Variants in GLCCI1 observed in about 807,000 individuals in gnomAD.
GLCCI1 encodes glucocorticoid induced 1.
In GLCCI1, 24 loss-of-function variants were observed where a neutral mutation model predicts 52.2. That is an observed-to-expected ratio of 0.46 (90% CI 0.33 to 0.65). The LOEUF is 0.65. Ranked by LOEUF, GLCCI1 falls within the 30% of genes least tolerant of loss-of-function variation. The pLI, the probability that GLCCI1 is intolerant of heterozygous loss-of-function variation, is 0.02. For synonymous variants in GLCCI1, 310 were observed against 276.5 expected (o/e 1.12, Z -1.20); for missense variants, 704 against 701.5 (o/e 1.00, Z -0.04).
intron 3 of GLCCI1, among the ~76,000 whole-genome samples, chr7:8,036,490 A>G (rs1217221210): frequency 6.6e-6 from 1 of 152,228 alleles, no homozygotes; most frequent in Admixed American, 6.5e-5. Context: ...TTCTGGAAGT[A>G]TGAAAAAACA....
In GLCCI1 at chr7:7,974,237, A is replaced by G. The variant is rs971285666; in HGVS notation, c.457+4430A>G. Among the ~76,000 whole-genome samples, 6 of 152,294 alleles carry G rather than the reference A, an allele frequency of 3.9e-5. No homozygotes were observed. In the East Asian group the frequency reaches 1.2e-3, roughly 29 times the overall value. On this transcript the variant is annotated intron_variant, in intron 1 of 7. Transcript: ENST00000223145. ...TTTCTAGATCAATCAGTGAATAGCA[A>G]AATAGATAAATGAATTTATAGTTAT...
intron 2 of GLCCI1, among the ~76,000 whole-genome samples, chr7:8,010,093 A>G (rs1330792439): frequency 6.6e-6 from 1 of 152,018 alleles, no homozygotes; most frequent in African/African-American, 2.4e-5. Flanking sequence ...GTTAGATGCG[A>G]TTTTCTTTGT....
chr7:8,085,178 A>T (rs1179636170), intron 7 of GLCCI1, among the ~76,000 whole-genome samples, 161 bp downstream of exon 7: 1 of 152,258 alleles, frequency 6.6e-6, no homozygotes, highest in Non-Finnish European at 1.5e-5. Flanking sequence ...ATCTTACTGA[A>T]GGAGAACTGG....
In GLCCI1 at chr7:7,997,825, C is replaced by G. The variant is rs189844438; in HGVS notation, c.458-6083C>G. On this transcript the variant is annotated intron_variant, in intron 1 of 7. Coordinates refer to ENST00000223145, the MANE Select transcript of GLCCI1 (RefSeq NM_138426.4). ...TACTTGTAATCCAGCTACTCGGGAG[C>G]CTGAGACATGAGAATTACTTGAACC... 5.5e-4 allele frequency among the ~76,000 whole-genome samples: 83 copies of G among 151,846 alleles called. 2 individuals carry two copies. The highest frequency in any genetic ancestry group is 1.3e-3 in the Admixed American group (20 of 15,254).
At chr7:8,010,887 G>C (rs1171423138) in intron 2 of GLCCI1, among the ~76,000 whole-genome samples, 1 of 151,816 alleles carries the variant, frequency 6.6e-6, no homozygotes, top group African/African-American at 2.4e-5. Flanking sequence ...GATGGATCAT[G>C]GGCATCTCTC....
At chr7:8,039,722 CGCA>C (rs1232126979) in intron 3 of GLCCI1, among the ~76,000 whole-genome samples, 1 of 152,156 alleles carries the variant, frequency 6.6e-6, no homozygotes, top group African/African-American at 2.4e-5. Context: ...TTCAGCCGGG[CGCA>C]GTGGCCCACG....
chr7:8,077,318 G>A (rs6964558), intron 6 of GLCCI1, among the ~76,000 whole-genome samples: 20,660 of 152,176 alleles, frequency 0.14, 1,535 homozygotes, highest in Admixed American at 0.18. Flanking sequence ...GACACTGACA[G>A]AAGGCAGACC....
intron 3 of GLCCI1, 87 bp downstream of exon 3, chr7:8,022,656 A>G (rs1781520081): frequency 1.4e-6 from 1 of 694,688 alleles, no homozygotes; most frequent in Admixed American, 2.8e-5. Flanking sequence ...CACTTTTAAA[A>G]TTTATCCTAA....
chr7:7,977,634 A>G (rs961034733), intron 1 of GLCCI1, among the ~76,000 whole-genome samples: 1 of 152,214 alleles, frequency 6.6e-6, no homozygotes, highest in Non-Finnish European at 1.5e-5. Context: ...TGTCTTTAAA[A>G]TGAAGGGGAT....
At chr7:7,981,238 A>C (rs879751868) in intron 1 of GLCCI1, 38 of 253,600 alleles carry the variant, frequency 1.5e-4, no homozygotes, top group Non-Finnish European at 2.3e-4. Context: ...ATCCTCTGTT[A>C]TTTCTTTCTT....
intron 1 of GLCCI1, among the ~76,000 whole-genome samples, chr7:7,976,479 C>CAAAAAAAAAAAAAAA (rs35255634): frequency 0.016 from 390 of 24,562 alleles, 32 homozygotes; most frequent in African/African-American, 0.025. Flanking sequence ...AACTCCATCT[C>CAAAAAAAAAAAAAAA]AAAAAAAAAA....
rs1783172155 is a variant in GLCCI1, at chr7:8,088,717, A to G, written c.*2179A>G. On this transcript the variant is annotated 3_prime_UTR_variant, in exon 8 of 8. Coordinates refer to ENST00000223145, the MANE Select transcript of GLCCI1 (RefSeq NM_138426.4). ...CTTTTTTGGTGATGAAATCTCATGT[A>G]CGATATTTATAGTGATGTGCTTTTA... 1 of 152,630 alleles carries G rather than the reference A, an allele frequency of 6.6e-6. No individual in the cohort carries two copies. The highest frequency in any genetic ancestry group is 1.5e-5 in the Non-Finnish European group (1 of 68,030). The allele number at this position is 152,630 out of a possible 1,614,324, so 9.5% of individuals were successfully genotyped here.
At chr7:7,971,086 G>A (rs917133407) in intron 1 of GLCCI1, among the ~76,000 whole-genome samples, 1 of 152,200 alleles carries the variant, frequency 6.6e-6, no homozygotes, top group Admixed American at 6.5e-5. Context: ...CTGACCACTT[G>A]ATGGTGAACC....
intron 3 of GLCCI1, among the ~76,000 whole-genome samples, chr7:8,031,657 C>T (rs1043913871): frequency 6.6e-6 from 1 of 151,762 alleles, no homozygotes; most frequent in African/African-American, 2.4e-5. Context: ...TCTCATGTGT[C>T]CCATAAATAC....
rs115187403 is a variant in GLCCI1, at chr7:8,007,075, A to T, written c.609+3016A>T. Among the ~76,000 whole-genome samples, 491 of 152,214 alleles carry T rather than the reference A, an allele frequency of 3.2e-3. 4 individuals carry two copies. Among genetic ancestry groups the T allele is most frequent in the African/African-American group, 0.011 (467 of 41,530 alleles). ...CTTTGCTCCCAAGGTCTCTTATCCC[A>T]TGGGGAGGGGCATGGCTGCTAGAAG... On this transcript the variant is annotated intron_variant, in intron 2 of 7. Transcript: ENST00000223145.
chr7:8,025,156 C>T (rs1781586606), intron 3 of GLCCI1, among the ~76,000 whole-genome samples: 1 of 152,118 alleles, frequency 6.6e-6, no homozygotes, highest in Admixed American at 6.5e-5. Context: ...AGGCTGTGGA[C>T]ATGCACATCA....
chr7:8,012,432 C>CTTTTTTTTTTTTTTTTTTTT (rs71014746), intron 2 of GLCCI1, among the ~76,000 whole-genome samples: 5 of 70,400 alleles, frequency 7.1e-5, no homozygotes, highest in Admixed American at 2.2e-4. Context: ...CCTTTTTATT[C>CTTTTTTTTTTTTTTTTTTTT]TTTTTTTTTT....
intron 1 of GLCCI1, among the ~76,000 whole-genome samples, chr7:7,977,566 C>T (rs1583939694): frequency 6.6e-6 from 1 of 152,128 alleles, no homozygotes; most frequent in Non-Finnish European, 1.5e-5. Context: ...CCTGAGTTCT[C>T]TTTTCAGTTT....
chr7:8,087,341 CAT>C lies in GLCCI1; in HGVS notation c.*804_*805del, dbSNP rs1783137703. 6.5e-6 allele frequency: 1 copy of C among 152,678 alleles called. No individual in the cohort carries two copies. Among genetic ancestry groups the C allele is most frequent in the Non-Finnish European group, 1.5e-5 (1 of 68,062 alleles). The allele number at this position is 152,678 out of a possible 1,614,324, so 9.5% of individuals were successfully genotyped here. A position where few individuals can be genotyped will look rare whatever the true frequency, so the allele number is the denominator to read the frequency against. Reference sequence around the variant, plus strand: ...ACAACTGTTGCATTCACTGTTTCAACATGTGTACATGTGGCTTTTTTAAAAGT... The same window carrying C: ...ACAACTGTTGCATTCACTGTTTCAACGTGTACATGTGGCTTTTTTAAAAGT... On this transcript the variant is annotated 3_prime_UTR_variant, in exon 8 of 8. Transcript: ENST00000223145.
Sources: allele counts gnomAD v4.1 joint callset (sites outside exome capture counted in the v4.1 genomes callset), GRCh38; gene constraint gnomAD v4.1.1; transcripts MANE v1.5; gene names NCBI Gene and HGNC (gene_info 2026-07-23, HGNC 2026-07-21).